The following ZNF280B variants were observed in gnomAD, a reference collection of about 807,000 sequenced individuals.
The protein encoded by ZNF280B is suppressor of hairy wing homolog 2.
In ZNF280B, 16 loss-of-function variants were observed where a neutral mutation model predicts 38.0. The ratio of observed to expected loss-of-function variants is 0.42; its 90% CI spans 0.28 to 0.64. The LOEUF is 0.64. Ranked by LOEUF, ZNF280B falls within the 30% of genes least tolerant of loss-of-function variation. ZNF280B has a pLI of 0.21. For missense variants in ZNF280B, 581 were observed against 639.6 expected (o/e 0.91, Z 0.99); for synonymous variants, 253 against 230.6 (o/e 1.10, Z -0.88).
At chr22:22,506,797 C>G (rs2061948182) in intron 2 of ZNF280B, among the ~76,000 whole-genome samples, 1 of 151,784 alleles carries the variant, frequency 6.6e-6, no homozygotes, top group African/African-American at 2.4e-5. Context: ...AATTATTCAC[C>G]CAGAGTAACA....
At position 22,488,137 on chromosome 22, in the gene ZNF280B, T is replaced by TGGG; in HGVS notation, c.1261_1262insCCC (p.Thr420_His421insPro). On this transcript the variant is annotated inframe_insertion, in exon 4 of 4. Transcript: ENST00000626650. ...TGTGTTTTCATGGCACGTTCTAAAA[T>TGGG]GTGTTTCTACATCAGCAAAGACCGA... The TGGG allele has an allele frequency of 6.2e-7, 1 of 1,613,896 alleles. No homozygotes were observed.
chr22:22,503,050 A>C (rs567336457), intron 2 of ZNF280B, among the ~76,000 whole-genome samples: 1 of 152,068 alleles, frequency 6.6e-6, no homozygotes, highest in East Asian at 2.0e-4. Flanking sequence ...CACAAACTAG[A>C]AGATGCAAAG....
In ZNF280B at chr22:22,485,944, C is replaced by T. The variant is rs2061495745; in HGVS notation, c.*1823G>A. 1 of 151,978 alleles carries T rather than the reference C, an allele frequency of 6.6e-6. No homozygotes were observed. Among genetic ancestry groups the T allele is most frequent in the Non-Finnish European group, 1.5e-5 (1 of 68,076 alleles). The allele number at this position is 151,978 out of a possible 1,614,324, so 9.4% of individuals were successfully genotyped here. The stretch of plus-strand genomic sequence containing the variant: ...GACTGCTGATGTTCAGGAACCAATA[C>T]TCAAAAGGTACTCCAGAATACTGTG... On this transcript the variant is annotated 3_prime_UTR_variant, in exon 4 of 4. Transcript: ENST00000626650.
In ZNF280B at chr22:22,488,485, G is replaced by T; in HGVS notation, c.914C>A (p.Thr305Asn). The change falls in exon 4 of 4, where the codon ACC (threonine) becomes AAC (asparagine). Residue 305 changes from threonine (T) to asparagine (N), a missense_variant. Thr to Asn is a moderately conservative substitution (Grantham distance 65, BLOSUM62 0). Coordinates refer to ENST00000626650, the MANE Select transcript of ZNF280B (RefSeq NM_080764.4). ...GEGQPEQKTH[T>N]TFKCLSCVKV... Reference sequence around the variant, plus strand: ...CACGCAGCTGAGGCATTTAAAGGTGGTGTGAGTCTTCTGTTCCGGCTGCCC... The same window carrying T: ...CACGCAGCTGAGGCATTTAAAGGTGTTGTGAGTCTTCTGTTCCGGCTGCCC... 6.2e-7 allele frequency: 1 copy of T among 1,613,890 alleles called. No homozygotes were observed. The highest frequency in any genetic ancestry group is 8.5e-7 in the Non-Finnish European group (1 of 1,179,980).
At position 22,488,113 on chromosome 22, in the gene ZNF280B, G is replaced by A; in HGVS notation, c.1286C>T (p.Thr429Ile). The A allele has an allele frequency of 6.2e-7, 1 of 1,613,856 alleles. No individual in the cohort carries two copies. The highest frequency in any genetic ancestry group is 8.5e-7 in the Non-Finnish European group (1 of 1,179,946). The change falls in exon 4 of 4, where the codon ACA (threonine) becomes ATA (isoleucine). Residue 429 changes from threonine (T) to isoleucine (I), a missense_variant. Thr to Ile is a moderately conservative substitution (Grantham distance 89, BLOSUM62 -1). Coordinates refer to ENST00000626650, the MANE Select transcript of ZNF280B (RefSeq NM_080764.4). ...ACAAAAGGGACAAAGCAAATTCTTTGTGTTTTCATGGCACGTTCTAAAATG... is the reference window on the plus strand; with the variant it reads ...ACAAAAGGGACAAAGCAAATTCTTTATGTTTTCATGGCACGTTCTAAAATG... ...ETHFRTCHEN[T>I]KNLLCPFCLK...
At position 22,485,725 on chromosome 22, in the gene ZNF280B, T is replaced by G. The variant is rs1010296348; in HGVS notation, c.*2042A>C. 4.6e-5 allele frequency: 7 copies of G among 151,882 alleles called. No individual in the cohort carries two copies. The highest frequency in any genetic ancestry group is 8.8e-5 in the Non-Finnish European group (6 of 67,994). The allele number at this position is 151,882 out of a possible 1,614,324, so 9.4% of individuals were successfully genotyped here. A position where few individuals can be genotyped will look rare whatever the true frequency, so the allele number is the denominator to read the frequency against. ...GAGGGAAGAAAGGAGTGGGGAGAGA[T>G]AAGGTACCTTTAAAAAGAAATCAAG... On this transcript the variant is annotated 3_prime_UTR_variant, in exon 4 of 4. Transcript: ENST00000626650.
intron 2 of ZNF280B, among the ~76,000 whole-genome samples, chr22:22,499,314 G>C (rs1264806037): frequency 6.6e-6 from 1 of 151,336 alleles, no homozygotes; most frequent in African/African-American, 2.4e-5. Context: ...GCCCAGGCTG[G>C]AGTGAAATGG....
chr22:22,503,330 T>C (rs936551124), intron 2 of ZNF280B, among the ~76,000 whole-genome samples: 5 of 151,982 alleles, frequency 3.3e-5, no homozygotes, highest in African/African-American at 1.2e-4. Context: ...TTTGTAAGTA[T>C]ATAATACTAA....
rs994765864 is a variant in ZNF280B at position 22,485,916 on chromosome 22, C to T, written c.*1851G>A. The T allele has an allele frequency of 1.3e-5, 2 of 151,802 alleles. No homozygotes were observed. Among genetic ancestry groups the T allele is most frequent in the Non-Finnish European group, 2.9e-5 (2 of 68,050 alleles). The allele number at this position is 151,802 out of a possible 1,614,324, so 9.4% of individuals were successfully genotyped here. A position where few individuals can be genotyped will look rare whatever the true frequency, so the allele number is the denominator to read the frequency against. ...AACTCCGGGAGTCCACAGAGGCAGC[C>T]AAGACTGCTGATGTTCAGGAACCAA... On this transcript the variant is annotated 3_prime_UTR_variant, in exon 4 of 4. Transcript: ENST00000626650.
chr22:22,489,391 T>A lies in ZNF280B; in HGVS notation c.8A>T (p.Gln3Leu). 6.3e-7 allele frequency: 1 copy of A among 1,583,596 alleles called. No homozygotes were observed. Among genetic ancestry groups the A allele is most frequent in the Non-Finnish European group, 8.6e-7 (1 of 1,169,170 alleles). Residue 3 changes from glutamine to leucine, a missense_variant, in exon 4 of 4, where the codon CAA becomes CTA. Transcript: ENST00000626650. ...AGGCTCTTTCTCTTCCTCACATGAT[T>A]GTTCCATTTTCTAATTTTTTTATTC... is the stretch of plus-strand genomic sequence containing the variant. ME[Q>L]SCEEEKEPEP...
At chr22:22,492,785 C>T (rs1006416092) in intron 3 of ZNF280B, among the ~76,000 whole-genome samples, 3 of 150,916 alleles carry the variant, frequency 2.0e-5, no homozygotes, top group African/African-American at 7.3e-5. Flanking sequence ...ACTTGGGAGG[C>T]TGAGGCAGGA....
chr22:22,487,508 T>C lies in ZNF280B; in HGVS notation c.*259A>G, dbSNP rs2061517734. The C allele has an allele frequency of 3.2e-6, 1 of 317,392 alleles. No homozygotes were observed. Among genetic ancestry groups the C allele is most frequent in the Non-Finnish European group, 5.5e-6 (1 of 180,882 alleles). 19.7% of individuals were successfully genotyped at this position (317,392 alleles called of 1,614,324 possible). Reference sequence around the variant, plus strand: ...TTAAAAAAATAAATTAATACCTTTTTCTCTCTCTCACACACACACACAAAC... The same window carrying C: ...TTAAAAAAATAAATTAATACCTTTTCCTCTCTCTCACACACACACACAAAC... On this transcript the variant is annotated 3_prime_UTR_variant, in exon 4 of 4. Coordinates refer to ENST00000626650, the MANE Select transcript of ZNF280B (RefSeq NM_080764.4).
rs1488224843 is a variant in ZNF280B at position 22,485,823 on chromosome 22, C to G, written c.*1944G>C. 8.6e-5 allele frequency: 13 copies of G among 152,006 alleles called. No individual in the cohort carries two copies. Among genetic ancestry groups the G allele is most frequent in the Non-Finnish European group, 1.9e-4 (13 of 68,082 alleles). The allele number at this position is 152,006 out of a possible 1,614,324, so 9.4% of individuals were successfully genotyped here. Reference sequence around the variant, plus strand: ...TGGCGGATTCCTTGACTGGTGAAGACAGGCTGCTGGGCACCTTGGTCAGGG... The same window carrying G: ...TGGCGGATTCCTTGACTGGTGAAGAGAGGCTGCTGGGCACCTTGGTCAGGG... On this transcript the variant is annotated 3_prime_UTR_variant, in exon 4 of 4. Transcript: ENST00000626650.
intron 2 of ZNF280B, among the ~76,000 whole-genome samples, chr22:22,505,247 C>A (rs1261965097): frequency 6.6e-6 from 1 of 151,896 alleles, no homozygotes; most frequent in Non-Finnish European, 1.5e-5. Flanking sequence ...CAAAGGAAAG[C>A]CAAGATCATG....
At position 22,508,698 on chromosome 22, in the gene ZNF280B, C is replaced by G. The variant is rs1047342423; in HGVS notation, c.-287G>C. 1 of 151,958 alleles carries G rather than the reference C, an allele frequency of 6.6e-6. No individual in the cohort carries two copies. Among genetic ancestry groups the G allele is most frequent in the African/African-American group, 2.4e-5 (1 of 41,414 alleles). The allele number at this position is 151,958 out of a possible 1,614,324, so 9.4% of individuals were successfully genotyped here. On this transcript the variant is annotated 5_prime_UTR_variant, in exon 1 of 4. Transcript: ENST00000626650. ...TGCTGTTCGCGAGCTGCCGGCCACG[C>G]ACCAGCCCCGGAGGCGCTCCCGGGG...
intron 2 of ZNF280B, among the ~76,000 whole-genome samples, chr22:22,502,366 CT>C (rs1394740576): frequency 1.3e-5 from 2 of 151,894 alleles, no homozygotes; most frequent in Non-Finnish European, 2.9e-5. Context: ...TAAACTTGTA[CT>C]TTGGAAAAGT....
intron 3 of ZNF280B, among the ~76,000 whole-genome samples, chr22:22,490,612 C>G (rs2061573954): frequency 6.6e-6 from 1 of 151,910 alleles, no homozygotes; most frequent in African/African-American, 2.4e-5. Context: ...GGACTACAGG[C>G]ATGCACCACC....
chr22:22,491,339 T>TAA (rs960429916), intron 3 of ZNF280B, among the ~76,000 whole-genome samples: 2 of 144,546 alleles, frequency 1.4e-5, no homozygotes, highest in Non-Finnish European at 3.0e-5. Flanking sequence ...ACCAATAGTT[T>TAA]AAAAAAAAAA....
At chr22:22,489,767 T>C (rs530289255) in intron 3 of ZNF280B, among the ~76,000 whole-genome samples, 2 of 152,064 alleles carry the variant, frequency 1.3e-5, no homozygotes, top group South Asian at 2.1e-4. Context: ...GTGCAGTGTT[T>C]AGAAACATGG....
Sources: gnomAD v4.1 joint callset for allele counts (sites outside exome capture counted in the v4.1 genomes callset) on GRCh38, gnomAD v4.1.1 for gene constraint, MANE v1.5 for transcripts, NCBI Gene and HGNC (gene_info 2026-07-23, HGNC 2026-07-21) for gene names.